Variants in HERC4 observed in about 807,000 individuals in gnomAD.
HERC4 encodes the protein HECT and RLD domain containing E3 ubiquitin protein ligase 4, also known as probable E3 ubiquitin-protein ligase HERC4.
Under a neutral mutation model 124.3 loss-of-function variants are expected in HERC4, and 28 were observed. The observed-to-expected ratio is 0.23, with a 90% confidence interval of 0.17 to 0.31. The LOEUF (loss-of-function observed/expected upper bound fraction) is 0.31. HERC4 is among the 10% of genes least tolerant of loss of function. HERC4 has a pLI of 1.00. For missense variants in HERC4, 713 were observed against 1,229.3 expected (o/e 0.58, Z 6.28); for synonymous variants, 407 against 421.5 (o/e 0.97, Z 0.42).
chr10:67,988,567 C>G, intron 15 of HERC4, 96 bp downstream of exon 15: 2 of 836,332 alleles, frequency 2.4e-6, no homozygotes, highest in Non-Finnish European at 3.6e-6. Flanking sequence ...TTGTTTTTGC[C>G]AATCTAAATC....
intron 9 of HERC4, chr10:67,994,420 CCTTT>C (rs1345649148): frequency 6.6e-6 from 1 of 152,020 alleles, no homozygotes; most frequent in Non-Finnish European, 1.5e-5. Flanking sequence ...TCCTTAATTT[CCTTT>C]TTTTATTTTT....
chr10:67,973,363 T>C (rs1362979756), intron 15 of HERC4, among the ~76,000 whole-genome samples: 1 of 152,184 alleles, frequency 6.6e-6, no homozygotes, highest in Non-Finnish European at 1.5e-5. Flanking sequence ...TAAGCTGACC[T>C]CAACCGTCTC....
At chr10:67,940,351 GA>G (rs2032772712) in intron 20 of HERC4, among the ~76,000 whole-genome samples, 1 of 151,432 alleles carries the variant, frequency 6.6e-6, no homozygotes, top group African/African-American at 2.4e-5. Flanking sequence ...ACCACTCTCA[GA>G]AAAAAAATTT....
In HERC4 at chr10:67,995,298, G is replaced by A. The variant is rs764629871; in HGVS notation, c.1070-2616C>T. The stretch of plus-strand genomic sequence containing the variant: ...TAGGCATTGATGCTCATTCACTGTA[G>A]GTTGAAAAATTAAGTGTTAGCATTA... On this transcript the variant is annotated intron_variant, in intron 9 of 24. Transcript: ENST00000373700. The A allele has an allele frequency of 1.9e-4, 85 of 454,724 alleles. 1 individual carries two copies. Among genetic ancestry groups the A allele is most frequent in the Non-Finnish European group, 3.4e-4 (76 of 226,518 alleles). 28.2% of individuals were successfully genotyped at this position (454,724 alleles called of 1,614,324 possible).
chr10:68,072,179 C>G (rs531852219), intron 3 of HERC4, among the ~76,000 whole-genome samples: 49 of 152,260 alleles, frequency 3.2e-4, no homozygotes, highest in Non-Finnish European at 5.7e-4. Context: ...AACAATGATA[C>G]TCCTAAATGT....
intron 3 of HERC4, among the ~76,000 whole-genome samples, chr10:68,066,291 C>A (rs1359076999): frequency 6.6e-6 from 1 of 152,132 alleles, no homozygotes; most frequent in African/African-American, 2.4e-5. Flanking sequence ...AATACAGAAC[C>A]TAAGAATCTT....
chr10:68,041,067 C>T (rs2039742872), intron 4 of HERC4, among the ~76,000 whole-genome samples: 3 of 151,922 alleles, frequency 2.0e-5, no homozygotes, highest in African/African-American at 7.3e-5. Context: ...TTCTGTTTTC[C>T]CAACTTAATG....
In HERC4 at chr10:67,977,299, T is replaced by C. The variant is rs538460165; in HGVS notation, c.1807-10497A>G. ...GTAGCTCCTGAACAACATTTCTAGA[T>C]ACACAGTGGCCAGAAGGGAACCCAC... On this transcript the variant is annotated intron_variant, in intron 15 of 24. Coordinates refer to ENST00000373700, the MANE Select transcript of HERC4 (RefSeq NM_015601.4). 1.2e-4 allele frequency among the ~76,000 whole-genome samples: 18 copies of C among 152,232 alleles called. 1 individual carries two copies. In the South Asian group the frequency reaches 3.3e-3, roughly 28 times the overall value.
chr10:68,004,510 T>C (rs866171865), intron 9 of HERC4, among the ~76,000 whole-genome samples: 5 of 152,210 alleles, frequency 3.3e-5, no homozygotes, highest in Admixed American at 1.3e-4. Context: ...TTTCTTGTCA[T>C]AGTTTCAGGT....
intron 19 of HERC4, among the ~76,000 whole-genome samples, chr10:67,942,195 A>T (rs768073843): frequency 6.6e-6 from 1 of 152,236 alleles, no homozygotes; most frequent in Non-Finnish European, 1.5e-5. Flanking sequence ...AGCCTGGTTT[A>T]GCAGTCTAGC....
At chr10:68,060,400 G>A (rs576999799) in intron 3 of HERC4, among the ~76,000 whole-genome samples, 195 of 152,024 alleles carry the variant, frequency 1.3e-3, no homozygotes, top group Non-Finnish European at 2.5e-3. Context: ...ACCATACCCA[G>A]CTAATTTTTG....
At chr10:68,007,824 C>T (rs2037668425) in intron 9 of HERC4, 1 of 152,414 alleles carries the variant, frequency 6.6e-6, no homozygotes, top group Middle Eastern at 3.2e-3. Context: ...CCATTTCCAA[C>T]CTGAGCCAGT....
At chr10:68,075,018 T>A (rs1424530393) in intron 1 of HERC4, 126 bp downstream of exon 1, 7 of 152,668 alleles carry the variant, frequency 4.6e-5, no homozygotes, top group Admixed American at 4.6e-4. Context: ...GGCAGCGCGG[T>A]CGCTGAAGCA....
chr10:67,957,255 G>A (rs1366139873), intron 16 of HERC4, among the ~76,000 whole-genome samples: 1 of 152,180 alleles, frequency 6.6e-6, no homozygotes, highest in South Asian at 2.1e-4. Flanking sequence ...GCAAATCTCA[G>A]TGAATGAGGT....
intron 18 of HERC4, 50 bp downstream of exon 18, chr10:67,954,913 A>G (rs2034042446): frequency 6.6e-7 from 1 of 1,507,080 alleles, no homozygotes; most frequent in African/African-American, 1.5e-5. Flanking sequence ...AATTTTAAAC[A>G]TAGCTTCTGA....
intron 15 of HERC4, among the ~76,000 whole-genome samples, chr10:67,976,891 T>C (rs531574524): frequency 2.0e-5 from 3 of 152,272 alleles, no homozygotes; most frequent in South Asian, 2.1e-4. Context: ...TGGGTCCCAG[T>C]TGTCAAAATG....
intron 23 of HERC4, 86 bp from the exon 24 acceptor site, chr10:67,925,273 G>C (rs781107293): frequency 4.5e-6 from 3 of 661,628 alleles, no homozygotes; most frequent in Non-Finnish European, 7.8e-6. Context: ...CCAGTAGTTT[G>C]CAACTTGTGC....
At position 67,931,170 on chromosome 10, in the gene HERC4, C is replaced by T. The variant is rs148980435; in HGVS notation, c.2838+1427G>A. On this transcript the variant is annotated intron_variant, in intron 23 of 24. Transcript: ENST00000373700. ...CAAATTTTTGTATATTTAGTAGAGA[C>T]GGGGTTTCACTATGTTGGTTGGCCA... Among the ~76,000 whole-genome samples the T allele has an allele frequency of 3.3e-5, 5 of 151,654 alleles. No individual in the cohort carries two copies. In the East Asian group the frequency reaches 5.9e-4, roughly 18 times the overall value.
intron 23 of HERC4, among the ~76,000 whole-genome samples, chr10:67,930,865 G>C (rs1029789597): frequency 6.6e-6 from 1 of 151,732 alleles, no homozygotes; most frequent in Non-Finnish European, 1.5e-5. Flanking sequence ...TTTTTAGTAG[G>C]GATGGGGTTT....
Sources: gnomAD v4.1 joint callset for allele counts (sites outside exome capture counted in the v4.1 genomes callset) on GRCh38, gnomAD v4.1.1 for gene constraint, MANE v1.5 for transcripts, NCBI Gene and HGNC (gene_info 2026-07-23, HGNC 2026-07-21) for gene names.